CDK5RAP2: variants seen among roughly 807,000 people sequenced by gnomAD.
CDK5RAP2 encodes the protein CDK5 regulatory subunit associated protein 2.
In CDK5RAP2, 147 loss-of-function variants were observed where a neutral mutation model predicts 232.9. The observed-to-expected ratio is 0.63, with a 90% CI of 0.55 to 0.72. CDK5RAP2 has a LOEUF of 0.72. Ranked by LOEUF, CDK5RAP2 falls within the 30% of genes least tolerant of loss-of-function variation. CDK5RAP2 has a pLI of 0.00. For missense variants in CDK5RAP2, 2,195 were observed against 2,231.5 expected, an observed-to-expected ratio of 0.98 and a Z score of 0.33; for synonymous variants, 833 against 833.7, an observed-to-expected ratio of 1.00 and a Z score of 0.01.
At chr9:120,517,927 T>G in intron 12 of CDK5RAP2, 1 of 278,188 alleles carries the variant, frequency 3.6e-6, no homozygotes, top group South Asian at 3.5e-5. Flanking sequence ...GGATAAATAT[T>G]TATGTACAAG....
chr9:120,416,108 T>C (rs1474636271), intron 27 of CDK5RAP2, among the ~76,000 whole-genome samples: 2 of 152,146 alleles, frequency 1.3e-5, no homozygotes, highest in Non-Finnish European at 2.9e-5. Flanking sequence ...GTGAGGGTTT[T>C]TTCCCCCACA....
chr9:120,520,578 G>A (rs148804443), intron 11 of CDK5RAP2, among the ~76,000 whole-genome samples: 1,633 of 152,194 alleles, frequency 0.011, 31 homozygotes, highest in African/African-American at 0.037. Context: ...AGGAGGCAGA[G>A]GTTGCAGTAA....
intron 12 of CDK5RAP2, among the ~76,000 whole-genome samples, chr9:120,512,980 A>T (rs1300722114): frequency 1.3e-5 from 2 of 152,176 alleles, no homozygotes; most frequent in Non-Finnish European, 2.9e-5. Context: ...AATTGAGAAC[A>T]AGACCTGTAT....
At chr9:120,451,747 C>T (rs971487512) in intron 21 of CDK5RAP2, among the ~76,000 whole-genome samples, 1 of 151,898 alleles carries the variant, frequency 6.6e-6, no homozygotes, top group African/African-American at 2.4e-5. Context: ...AGCTAAATCA[C>T]TCTGGACAGT....
At chr9:120,424,113 G>A (rs553275231) in intron 25 of CDK5RAP2, among the ~76,000 whole-genome samples, 7 of 152,144 alleles carry the variant, frequency 4.6e-5, no homozygotes, top group Non-Finnish European at 7.3e-5. Flanking sequence ...CTATGAGCAC[G>A]GTGTTAGTAC....
At chr9:120,572,171 G>T in intron 1 of CDK5RAP2, 130 bp from the exon 2 acceptor site, 1 of 747,948 alleles carries the variant, frequency 1.3e-6, no homozygotes, top group South Asian at 1.4e-5. Flanking sequence ...TACCTATGTG[G>T]CATGAAGCAC....
At chr9:120,503,910 A>G (rs2039690703) in intron 12 of CDK5RAP2, among the ~76,000 whole-genome samples, 1 of 152,006 alleles carries the variant, frequency 6.6e-6, no homozygotes, top group Non-Finnish European at 1.5e-5. Flanking sequence ...GCATCTTGTC[A>G]TCCAACAGTT....
At chr9:120,465,684 A>G (rs535418855) in intron 18 of CDK5RAP2, among the ~76,000 whole-genome samples, 1 of 151,866 alleles carries the variant, frequency 6.6e-6, no homozygotes, top group East Asian at 1.9e-4. Context: ...CTAATGACAC[A>G]TATCTGGGAA....
intron 14 of CDK5RAP2, among the ~76,000 whole-genome samples, chr9:120,479,268 T>C (rs2038182051): frequency 6.6e-6 from 1 of 151,976 alleles, no homozygotes; most frequent in African/African-American, 2.4e-5. Context: ...GACTAATAAA[T>C]GTAAAAAGAA....
intron 10 of CDK5RAP2, among the ~76,000 whole-genome samples, chr9:120,527,460 T>C (rs953466090): frequency 6.6e-6 from 1 of 151,914 alleles, no homozygotes; most frequent in Non-Finnish European, 1.5e-5. Flanking sequence ...AAAAAAAAAG[T>C]GTTGACTATC....
chr9:120,524,544 A>G (rs2040813974), intron 11 of CDK5RAP2, among the ~76,000 whole-genome samples: 1 of 152,172 alleles, frequency 6.6e-6, no homozygotes, highest in African/African-American at 2.4e-5. Context: ...ATGCTGATGC[A>G]GGAAAATTGC....
At chr9:120,420,292 G>A (rs1446256401) in intron 26 of CDK5RAP2, among the ~76,000 whole-genome samples, 1 of 152,074 alleles carries the variant, frequency 6.6e-6, no homozygotes, top group Non-Finnish European at 1.5e-5. Flanking sequence ...ATTTTAGTTG[G>A]GCCTCACAGA....
At chr9:120,569,617 A>C (rs537278488) in intron 2 of CDK5RAP2, among the ~76,000 whole-genome samples, 1 of 152,180 alleles carries the variant, frequency 6.6e-6, no homozygotes. Context: ...GGAGCTCAAT[A>C]AACAAAGGGG....
intron 22 of CDK5RAP2, among the ~76,000 whole-genome samples, chr9:120,445,663 C>T (rs767260083): frequency 4.6e-5 from 7 of 152,192 alleles, no homozygotes; most frequent in Non-Finnish European, 1.0e-4. Flanking sequence ...TGGGGAGTCA[C>T]CCTCTCTTGG....
intron 7 of CDK5RAP2, 65 bp from the exon 8 acceptor site, chr9:120,530,205 A>T: frequency 2.3e-6 from 3 of 1,313,478 alleles, no homozygotes; most frequent in Non-Finnish European, 3.3e-6. Context: ...GAGCTGGAGG[A>T]GGAAGGAAAT....
At chr9:120,556,383 G>A (rs1046550927) in intron 3 of CDK5RAP2, among the ~76,000 whole-genome samples, 3 of 151,202 alleles carry the variant, frequency 2.0e-5, no homozygotes, top group South Asian at 2.1e-4. Flanking sequence ...TTTTTTCAGC[G>A]TTTTAAAAAA....
intron 3 of CDK5RAP2, among the ~76,000 whole-genome samples, chr9:120,559,013 GAATA>G (rs1193873959): frequency 6.6e-6 from 1 of 152,108 alleles, no homozygotes; most frequent in Non-Finnish European, 1.5e-5. Context: ...ACAAATTAAT[GAATA>G]AATACAATCC....
intron 12 of CDK5RAP2, among the ~76,000 whole-genome samples, chr9:120,515,201 A>G (rs1268777427): frequency 6.6e-6 from 1 of 152,180 alleles, no homozygotes; most frequent in African/African-American, 2.4e-5. Context: ...GTCATCTAAT[A>G]GTGAAAGATA....
At chr9:120,546,954 C>T (rs1182543782) in intron 4 of CDK5RAP2, among the ~76,000 whole-genome samples, 1 of 151,134 alleles carries the variant, frequency 6.6e-6, no homozygotes, top group Non-Finnish European at 1.5e-5. Context: ...ATTTTATATT[C>T]TACTCCATAA....
Sources: gnomAD v4.1 joint callset for allele counts (sites outside exome capture counted in the v4.1 genomes callset) on GRCh38, gnomAD v4.1.1 for gene constraint, MANE v1.5 for transcripts, NCBI Gene and HGNC (gene_info 2026-07-23, HGNC 2026-07-21) for gene names.